The following MYO9A variants were observed in gnomAD, a reference collection of about 807,000 sequenced individuals.
MYO9A encodes the protein unconventional myosin-IXa.
MYO9A carries 103 observed loss-of-function variants against 293.3 expected under a neutral mutation model. That is an observed-to-expected ratio of 0.35 (90% CI 0.30 to 0.41). The LOEUF (loss-of-function observed/expected upper bound fraction) is 0.41. Ranked by LOEUF, MYO9A falls within the 10% of genes least tolerant of loss-of-function variation. The pLI is 1.00. For synonymous variants in MYO9A, 1,001 were observed against 1,035.7 expected (o/e 0.97, Z 0.64); for missense variants, 2,685 against 3,033.0 (o/e 0.89, Z 2.69).
chr15:71,858,321 G>A (rs1480686316), intron 34 of MYO9A, among the ~76,000 whole-genome samples: 3 of 151,724 alleles, frequency 2.0e-5, no homozygotes, highest in African/African-American at 7.3e-5. Flanking sequence ...TGTTTATTGC[G>A]GCACTATTCA....
chr15:72,001,553 CAAAA>C (rs199812533), intron 8 of MYO9A, among the ~76,000 whole-genome samples: 1 of 102,514 alleles, frequency 9.8e-6, no homozygotes, highest in East Asian at 2.8e-4. Flanking sequence ...GACTCCATCT[CAAAA>C]AAAAAAAAAA....
At chr15:71,920,032 A>G (rs1053866417) in intron 18 of MYO9A, among the ~76,000 whole-genome samples, 1 of 152,140 alleles carries the variant, frequency 6.6e-6, no homozygotes, top group African/African-American at 2.4e-5. Context: ...CCAGGCTATT[A>G]GGACATTAAA....
intron 1 of MYO9A, among the ~76,000 whole-genome samples, chr15:72,067,102 TAA>T (rs2079044223): frequency 4.1e-5 from 1 of 24,246 alleles, no homozygotes; most frequent in South Asian, 1.9e-3. Context: ...TTACATAATA[TAA>T]TCTTATATGA....
chr15:71,897,449 C>T lies in MYO9A; in HGVS notation c.5042+12G>A, dbSNP rs770208426. 5 of 1,579,814 alleles carry T rather than the reference C, an allele frequency of 3.2e-6. No homozygotes were observed. The highest frequency in any genetic ancestry group is 1.2e-5 in the South Asian group (1 of 86,334). ...AGTTTCCCATTTATACATAAATAAACATTTCACTTACAGGGGAATACTCAT... is the reference window on the plus strand; with the variant it reads ...AGTTTCCCATTTATACATAAATAAATATTTCACTTACAGGGGAATACTCAT... On this transcript the variant is annotated intron_variant, in intron 25 of 41. Coordinates refer to ENST00000356056, the MANE Select transcript of MYO9A (RefSeq NM_006901.4).
intron 15 of MYO9A, among the ~76,000 whole-genome samples, chr15:71,940,278 T>C (rs1413027576): frequency 6.6e-6 from 1 of 152,196 alleles, no homozygotes; most frequent in African/African-American, 2.4e-5. Flanking sequence ...GCAGATTACT[T>C]GAGCCCGAGA....
At chr15:71,944,386 T>C (rs986700682) in intron 15 of MYO9A, among the ~76,000 whole-genome samples, 3 of 152,204 alleles carry the variant, frequency 2.0e-5, no homozygotes, top group Admixed American at 1.3e-4. Flanking sequence ...TTTATATTCA[T>C]GCTCTTATGT....
Position 71,824,409 on chromosome 15 carries a change from G to C in MYO9A, c.*2171C>G, listed in dbSNP as rs2054385350. ...TATGTTCTTCTGGCCATTCCTCTGG[G>C]CCACAGGAAATTATTCCATAAGGGC... On this transcript the variant is annotated 3_prime_UTR_variant, in exon 42 of 42. Coordinates refer to ENST00000356056, the MANE Select transcript of MYO9A (RefSeq NM_006901.4). 1 of 152,114 alleles carries C rather than the reference G, an allele frequency of 6.6e-6. No individual in the cohort carries two copies. The highest frequency in any genetic ancestry group is 2.4e-5 in the African/African-American group (1 of 41,418). 9.4% of individuals were successfully genotyped at this position (152,114 alleles called of 1,614,324 possible).
At chr15:71,960,446 G>T (rs921699562) in intron 13 of MYO9A, 16 of 223,170 alleles carry the variant, frequency 7.2e-5, no homozygotes, top group African/African-American at 3.7e-4. Flanking sequence ...GCTCTCTGAG[G>T]CTTCACCAGA....
At chr15:72,081,275 G>A (rs1394112853) in intron 1 of MYO9A, among the ~76,000 whole-genome samples, 1 of 152,124 alleles carries the variant, frequency 6.6e-6, no homozygotes, top group Non-Finnish European at 1.5e-5. Context: ...GTGCGAGGTG[G>A]CATCTCATTG....
Position 71,898,645 on chromosome 15 carries a change from G to C in MYO9A, c.3858C>G (p.Ser1286Arg), listed in dbSNP as rs569896826. Residue 1286 changes from serine (S) to arginine (R), a missense_variant, in exon 25 of 42, where the codon AGC becomes AGG. Physicochemically the swap from Ser to Arg is moderately radical, Grantham distance 110. Transcript: ENST00000356056. ...RMRELEQAIF[S>R]LELLKVRSLG... is the part of the protein sequence containing the mutation. Reference sequence around the variant, plus strand: ...GAGAACGAACTTTCAGCAATTCTAAGCTAAATATAGCTTGCTCTAGTTCTC... The same window carrying C: ...GAGAACGAACTTTCAGCAATTCTAACCTAAATATAGCTTGCTCTAGTTCTC... The C allele has an allele frequency of 6.2e-7, 1 of 1,613,930 alleles. No individual in the cohort carries two copies. The highest frequency in any genetic ancestry group is 1.3e-5 in the African/African-American group (1 of 74,956).
intron 32 of MYO9A, among the ~76,000 whole-genome samples, chr15:71,866,311 G>A (rs892558913): frequency 2.0e-5 from 3 of 152,102 alleles, no homozygotes; most frequent in African/African-American, 7.2e-5. Flanking sequence ...TAGTACAAAA[G>A]GATATATGTT....
intron 13 of MYO9A, among the ~76,000 whole-genome samples, chr15:71,966,080 T>C (rs994014312): frequency 2.5e-4 from 38 of 152,066 alleles, no homozygotes; most frequent in African/African-American, 8.7e-4. Flanking sequence ...TTTCACCACG[T>C]TGACCAGGCT....
intron 3 of MYO9A, among the ~76,000 whole-genome samples, chr15:72,028,159 T>C (rs2077731799): frequency 6.7e-6 from 1 of 149,420 alleles, no homozygotes; most frequent in South Asian, 2.1e-4. Flanking sequence ...ATCAGGCCAC[T>C]GCACTCCAGC....
rs563722091 is a variant in MYO9A at position 71,925,100 on chromosome 15, A to G, written c.2562+8570T>C. ...AAGTGGAGTGTTGATGTCCCCTATA[A>G]TTACAGTATTGCTATCTCTCTCTCC... On this transcript the variant is annotated intron_variant, in intron 18 of 41. Coordinates refer to ENST00000356056, the MANE Select transcript of MYO9A (RefSeq NM_006901.4). Among the ~76,000 whole-genome samples the G allele has an allele frequency of 7.9e-5, 12 of 151,598 alleles. 1 individual carries two copies. The highest frequency in any genetic ancestry group is 3.4e-3 in the Middle Eastern group (1 of 292).
chr15:72,084,526 GGTT>G (rs1307238751), intron 1 of MYO9A, among the ~76,000 whole-genome samples: 1 of 152,116 alleles, frequency 6.6e-6, no homozygotes, highest in Non-Finnish European at 1.5e-5. Context: ...GATGTTACCT[GGTT>G]GTTATGCAGA....
rs2054338482 is a variant in MYO9A at position 71,823,143 on chromosome 15, A to ATGTT, written c.*3433_*3436dup. The ATGTT allele has an allele frequency of 6.6e-6, 1 of 152,076 alleles. No homozygotes were observed. The highest frequency in any genetic ancestry group is 2.1e-4 in the South Asian group (1 of 4,808). 9.4% of individuals were successfully genotyped at this position (152,076 alleles called of 1,614,324 possible). A position where few individuals can be genotyped will look rare whatever the true frequency, so the allele number is the denominator to read the frequency against. On this transcript the variant is annotated 3_prime_UTR_variant, in exon 42 of 42. Coordinates refer to ENST00000356056, the MANE Select transcript of MYO9A (RefSeq NM_006901.4). Reference sequence around the variant, plus strand: ...GAGGAAAGCCATGGAGTGAGTATGTATGTTTCTTTTTAAAATGAAAACTCT... The same window carrying ATGTT: ...GAGGAAAGCCATGGAGTGAGTATGTATGTTTGTTTCTTTTTAAAATGAAAACTCT...
At chr15:72,079,205 G>T (rs1469151593) in intron 1 of MYO9A, among the ~76,000 whole-genome samples, 1 of 151,880 alleles carries the variant, frequency 6.6e-6, no homozygotes, top group Non-Finnish European at 1.5e-5. Flanking sequence ...AAACTGTGGG[G>T]GCAGGAGGAG....
At chr15:71,874,796 A>G (rs2056631767) in intron 32 of MYO9A, among the ~76,000 whole-genome samples, 1 of 152,198 alleles carries the variant, frequency 6.6e-6, no homozygotes, top group Non-Finnish European at 1.5e-5. Flanking sequence ...ACTTAAGCCA[A>G]TCAAAGCAAC....
At chr15:72,044,714 C>G (rs867486044) in intron 2 of MYO9A, among the ~76,000 whole-genome samples, 3 of 152,206 alleles carry the variant, frequency 2.0e-5, no homozygotes, top group African/African-American at 7.2e-5. Context: ...TTCCCATATT[C>G]TCTACATTAT....
Sources: gnomAD v4.1 joint callset for allele counts (sites outside exome capture counted in the v4.1 genomes callset) on GRCh38, gnomAD v4.1.1 for gene constraint, MANE v1.5 for transcripts, NCBI Gene and HGNC (gene_info 2026-07-23, HGNC 2026-07-21) for gene names.